The following SRGAP1 variants were observed in gnomAD, a reference collection of about 807,000 sequenced individuals.
The protein encoded by SRGAP1 is SLIT-ROBO Rho GTPase activating protein 1.
A neutral mutation model predicts 121.9 loss-of-function variants in SRGAP1; 43 were observed. The observed-to-expected ratio is 0.35, with a 90% CI of 0.28 to 0.46. The LOEUF is 0.46. SRGAP1 is among the 20% of genes least tolerant of loss of function. The pLI is 1.00. For synonymous variants in SRGAP1, 447 were observed against 485.4 expected, an observed-to-expected ratio of 0.92 and a Z score of 1.04; for missense variants, 1,102 against 1,350.9, an observed-to-expected ratio of 0.82 and a Z score of 2.89.
intron 1 of SRGAP1, among the ~76,000 whole-genome samples, chr12:63,895,289 A>G (rs534704718): frequency 1.3e-5 from 2 of 152,318 alleles, no homozygotes; most frequent in South Asian, 4.1e-4. Context: ...AAGCATTCAA[A>G]GTATATTTCT....
chr12:64,068,853 T>G (rs967331514), intron 8 of SRGAP1, among the ~76,000 whole-genome samples: 1 of 151,344 alleles, frequency 6.6e-6, no homozygotes, highest in Non-Finnish European at 1.5e-5. Context: ...CTACTAAAAA[T>G]ATAAAAATTA....
chr12:64,090,052 T>C (rs11175257), intron 11 of SRGAP1, among the ~76,000 whole-genome samples: 23,714 of 152,136 alleles, frequency 0.16, 2,406 homozygotes, highest in African/African-American at 0.26. Context: ...CTCCTATAAG[T>C]CTTGCAGTTA....
intron 6 of SRGAP1, among the ~76,000 whole-genome samples, chr12:64,052,151 G>A (rs553367941): frequency 4.6e-5 from 7 of 152,206 alleles, no homozygotes; most frequent in African/African-American, 1.7e-4. Context: ...ACCAAACAAG[G>A]GTTGGACACT....
Position 64,103,599 on chromosome 12 carries a change from T to C in SRGAP1, c.1814-5333T>C, listed in dbSNP as rs914874632. Among the ~76,000 whole-genome samples the C allele has an allele frequency of 3.3e-5, 5 of 152,342 alleles. No individual in the cohort carries two copies. In the East Asian group the frequency reaches 9.6e-4, roughly 29 times the overall value. On this transcript the variant is annotated intron_variant, in intron 15 of 21. Coordinates refer to ENST00000355086, the MANE Select transcript of SRGAP1 (RefSeq NM_020762.4). ...TTTCTTTCAGCTTTATTGACATACA[T>C]GGTAGTTTTCTCTCTGAATTCTAAA...
chr12:64,140,924 A>G, intron 21 of SRGAP1, among the ~76,000 whole-genome samples: 1 of 123,810 alleles, frequency 8.1e-6, no homozygotes, highest in African/African-American at 3.3e-5. Flanking sequence ...CATATACACC[A>G]TGGAATACTA....
chr12:63,903,413 T>G (rs1438209624), intron 1 of SRGAP1, among the ~76,000 whole-genome samples: 1 of 151,876 alleles, frequency 6.6e-6, no homozygotes, highest in Non-Finnish European at 1.5e-5. Flanking sequence ...ATACAATACG[T>G]TTTTGTATTT....
intron 1 of SRGAP1, among the ~76,000 whole-genome samples, chr12:63,981,640 A>G (rs778826259): frequency 3.3e-5 from 5 of 152,260 alleles, no homozygotes; most frequent in Non-Finnish European, 5.9e-5. Flanking sequence ...GATGCTGTTC[A>G]TAGTAGTTAA....
At chr12:63,877,946 A>G (rs1246039258) in intron 1 of SRGAP1, among the ~76,000 whole-genome samples, 8 of 152,256 alleles carry the variant, frequency 5.3e-5, no homozygotes. Context: ...ATAGTTGATG[A>G]TAGAGCCTCT....
chr12:63,897,275 G>A (rs185423270), intron 1 of SRGAP1, among the ~76,000 whole-genome samples: 2 of 152,290 alleles, frequency 1.3e-5, no homozygotes, highest in Admixed American at 1.3e-4. Context: ...AATAGATATT[G>A]AAATAATTGC....
chr12:63,989,940 C>T lies in SRGAP1; in HGVS notation c.294C>T (p.Asn98=). 6.2e-7 allele frequency: 1 copy of T among 1,612,870 alleles called. No individual in the cohort carries two copies. The highest frequency in any genetic ancestry group is 1.1e-5 in the South Asian group (1 of 90,736). ...ACCAGAACCTGTTGTCTCCAGTGAA[C>T]TGCTGGTATTTGCTCCTGAACCAAG... ...KKDQNLLSPV[N]CWYLLLNQVR... is the part of the protein sequence containing the mutation. The change falls in exon 3 of 22, where the codon AAC becomes AAT. Residue 98 remains asparagine, a synonymous_variant. Transcript: ENST00000355086.
rs1247451851 is a variant in SRGAP1, at chr12:64,154,629, G to C, written c.*11957G>C. The C allele has an allele frequency of 6.6e-6, 1 of 152,148 alleles. No homozygotes were observed. The highest frequency in any genetic ancestry group is 1.5e-5 in the Non-Finnish European group (1 of 68,034). The allele number at this position is 152,148 out of a possible 1,614,324, so 9.4% of individuals were successfully genotyped here. A position where few individuals can be genotyped will look rare whatever the true frequency, so the allele number is the denominator to read the frequency against. On this transcript the variant is annotated 3_prime_UTR_variant, in exon 22 of 22. Transcript: ENST00000355086. Reference sequence around the variant, plus strand: ...AATGACTGGGGAAAGGAAGAAGTTGGCCAGGATGTACAACCAAGTATTCAC... The same window carrying C: ...AATGACTGGGGAAAGGAAGAAGTTGCCCAGGATGTACAACCAAGTATTCAC...
chr12:63,890,126 T>C (rs1384730258), intron 1 of SRGAP1, among the ~76,000 whole-genome samples: 2 of 152,188 alleles, frequency 1.3e-5, no homozygotes, highest in Non-Finnish European at 1.5e-5. Flanking sequence ...CAGGCCCTGA[T>C]ACCTGGCCCA....
intron 1 of SRGAP1, among the ~76,000 whole-genome samples, chr12:63,972,079 C>A (rs2032964856): frequency 6.6e-6 from 1 of 152,118 alleles, no homozygotes; most frequent in African/African-American, 2.4e-5. Context: ...GAAAGCTGGG[C>A]ATCATGGCTC....
At chr12:63,990,133 A>T in intron 3 of SRGAP1, 61 bp downstream of exon 3, 1 of 1,343,320 alleles carries the variant, frequency 7.4e-7, no homozygotes, top group East Asian at 2.4e-5. Context: ...TATAACCAGG[A>T]CTGAGAACGG....
chr12:64,049,497 A>G (rs115520187), intron 6 of SRGAP1, among the ~76,000 whole-genome samples: 1,569 of 152,338 alleles, frequency 0.01, 23 homozygotes, highest in African/African-American at 0.035. Context: ...AGATCTTGTG[A>G]GAACTCATTC....
intron 1 of SRGAP1, among the ~76,000 whole-genome samples, chr12:63,851,300 C>T (rs902608639): frequency 6.6e-6 from 1 of 151,680 alleles, no homozygotes; most frequent in Admixed American, 6.6e-5. Flanking sequence ...TATTTAAAAC[C>T]AGGAACTCTG....
intron 11 of SRGAP1, among the ~76,000 whole-genome samples, chr12:64,091,040 A>C (rs1593118286): frequency 1.3e-5 from 2 of 152,186 alleles, no homozygotes; most frequent in Admixed American, 1.3e-4. Context: ...CCAGCAAACA[A>C]ACAAATGTCA....
chr12:64,031,373 T>A (rs1486329096), intron 4 of SRGAP1, among the ~76,000 whole-genome samples: 1 of 151,456 alleles, frequency 6.6e-6, no homozygotes, highest in Non-Finnish European at 1.5e-5. Context: ...AAGTATGTTA[T>A]ATATGTTTCC....
At chr12:63,880,306 A>T (rs2136285473) in intron 1 of SRGAP1, among the ~76,000 whole-genome samples, 1 of 152,218 alleles carries the variant, frequency 6.6e-6, no homozygotes, top group African/African-American at 2.4e-5. Context: ...ATCTCAGCTC[A>T]CTGCAACCTC....
Sources: allele counts gnomAD v4.1 joint callset (sites outside exome capture counted in the v4.1 genomes callset), GRCh38; gene constraint gnomAD v4.1.1; transcripts MANE v1.5; gene names NCBI Gene and HGNC (gene_info 2026-07-23, HGNC 2026-07-21).